Variants in PRKN observed in about 807,000 individuals in gnomAD.
PRKN encodes the protein E3 ubiquitin-protein ligase parkin.
In PRKN, 56 loss-of-function variants were observed where a neutral mutation model predicts 59.5. That is an observed-to-expected ratio of 0.94 (90% confidence interval 0.76 to 1.18). PRKN has a LOEUF of 1.18. Ranked by LOEUF, PRKN falls within the 50% of genes most tolerant of loss-of-function variation. The pLI is 0.00. For missense variants in PRKN, 657 were observed against 596.4 expected, an observed-to-expected ratio of 1.10 and a Z score of -1.06; for synonymous variants, 250 against 222.1, an observed-to-expected ratio of 1.13 and a Z score of -1.12.
At chr6:161,590,034 G>A (rs1202289609) in intron 7 of PRKN, among the ~76,000 whole-genome samples, 1 of 151,310 alleles carries the variant, frequency 6.6e-6, no homozygotes, top group Non-Finnish European at 1.5e-5. Flanking sequence ...GATGATCCAC[G>A]CACCTTGGCT....
chr6:162,399,022 G>T (rs1787627459), intron 2 of PRKN, among the ~76,000 whole-genome samples: 1 of 152,116 alleles, frequency 6.6e-6, no homozygotes, highest in Non-Finnish European at 1.5e-5. Flanking sequence ...TGAAAAATGG[G>T]ACTATGAAAA....
intron 2 of PRKN, among the ~76,000 whole-genome samples, chr6:162,304,509 A>ATCTG (rs1782126133): frequency 7.6e-6 from 1 of 131,646 alleles, no homozygotes; most frequent in East Asian, 2.9e-4. Flanking sequence ...CTATCTATCT[A>ATCTG]TCTATCTATC....
chr6:162,007,998 A>C (rs1034516830), intron 5 of PRKN, among the ~76,000 whole-genome samples: 7 of 152,196 alleles, frequency 4.6e-5, no homozygotes, highest in African/African-American at 1.7e-4. Context: ...CATTTATAAG[A>C]TACCACACAC....
intron 6 of PRKN, among the ~76,000 whole-genome samples, chr6:161,924,032 C>T (rs773477288): frequency 3.9e-5 from 6 of 152,146 alleles, no homozygotes; most frequent in Non-Finnish European, 7.3e-5. Context: ...CAGGCTCTGG[C>T]GCTTCGTAGT....
chr6:162,675,023 CTTTATTTTATTTA>C (rs1430719292), intron 1 of PRKN, among the ~76,000 whole-genome samples: 2 of 124,708 alleles, frequency 1.6e-5, no homozygotes, highest in African/African-American at 3.4e-5. Context: ...AGAAAGAAGA[CTTTATTTTATTTA>C]TTTATTTATT....
chr6:161,469,560 A>AGTT (rs1554264008), intron 9 of PRKN, among the ~76,000 whole-genome samples: 3 of 151,468 alleles, frequency 2.0e-5, no homozygotes, highest in Non-Finnish European at 4.4e-5. Context: ...AGAGAGAGAG[A>AGTT]GAGAGAGAGA....
intron 5 of PRKN, among the ~76,000 whole-genome samples, chr6:162,004,983 TATTA>T (rs1479651836): frequency 8.5e-5 from 13 of 152,220 alleles, no homozygotes; most frequent in African/African-American, 3.1e-4. Context: ...CATAGGAAAA[TATTA>T]ATTAATTGTC....
chr6:162,496,236 C>CG (rs1793059511), intron 1 of PRKN, among the ~76,000 whole-genome samples: 1 of 150,538 alleles, frequency 6.6e-6, no homozygotes, highest in East Asian at 1.9e-4. Context: ...GACTCAGTCT[C>CG]GGGGGAAAAA....
In PRKN at chr6:162,262,522, T is replaced by C; in HGVS notation, c.412+3A>G. 6.2e-7 allele frequency: 1 copy of C among 1,613,966 alleles called. No individual in the cohort carries two copies. On this transcript the variant is annotated splice_donor_region_variant and intron_variant, in intron 3 of 11. Transcript: ENST00000366898. ...TTTAATAATCTTAGAGCATTCCAAT[T>C]ACCTGGACTTCCAGCTGGTGGTGAG...
chr6:162,355,725 A>C (rs1160162301), intron 2 of PRKN, among the ~76,000 whole-genome samples: 1 of 151,746 alleles, frequency 6.6e-6, no homozygotes, highest in African/African-American at 2.4e-5. Context: ...AAAAAAAAAA[A>C]CATGGTCAAT....
chr6:161,839,016 G>A (rs961146939), intron 6 of PRKN, among the ~76,000 whole-genome samples: 1 of 152,080 alleles, frequency 6.6e-6, no homozygotes, highest in Non-Finnish European at 1.5e-5. Context: ...TGGGCGAGGT[G>A]GGGGGAGGAG....
rs905024646 is a variant in PRKN, at chr6:161,407,107, G to C, written c.1084-20230C>G. Among the ~76,000 whole-genome samples the C allele has an allele frequency of 4.6e-5, 7 of 152,104 alleles. No homozygotes were observed. Among genetic ancestry groups the C allele is most frequent in the African/African-American group, 9.7e-5 (4 of 41,408 alleles). ...ACATAAAAGCCTCTATAATGAGTATGCTATATTTGTCATTAAAATGTCTTT... is the reference window on the plus strand; with the variant it reads ...ACATAAAAGCCTCTATAATGAGTATCCTATATTTGTCATTAAAATGTCTTT... On this transcript the variant is annotated intron_variant, in intron 9 of 11. Coordinates refer to ENST00000366898, the MANE Select transcript of PRKN (RefSeq NM_004562.3). The surrounding 1 kb of genome is among the most constrained non-coding windows in gnomAD (Gnocchi z 4.9).
At chr6:162,065,152 T>C (rs1276111899) in intron 4 of PRKN, among the ~76,000 whole-genome samples, 2 of 152,138 alleles carry the variant, frequency 1.3e-5, no homozygotes, top group Non-Finnish European at 2.9e-5. Flanking sequence ...GTGTGCAGGC[T>C]GAGGAAGAAA....
At chr6:161,427,352 C>G (rs1210955650) in intron 9 of PRKN, among the ~76,000 whole-genome samples, 2 of 152,112 alleles carry the variant, frequency 1.3e-5, no homozygotes, top group East Asian at 1.9e-4. Flanking sequence ...CACAGCCACC[C>G]TAACTGGTAG....
chr6:161,392,447 C>T (rs997875653), intron 9 of PRKN, among the ~76,000 whole-genome samples: 1 of 151,682 alleles, frequency 6.6e-6, no homozygotes, highest in African/African-American at 2.4e-5. Flanking sequence ...TGCAAAAGAA[C>T]TGATGTAATG....
chr6:162,710,790 T>A (rs1314987240), intron 1 of PRKN, among the ~76,000 whole-genome samples: 1 of 152,138 alleles, frequency 6.6e-6, no homozygotes, highest in Non-Finnish European at 1.5e-5. Flanking sequence ...GCAGCTGTTA[T>A]CCTGCAACTA....
At chr6:161,636,438 A>G (rs989295044) in intron 7 of PRKN, among the ~76,000 whole-genome samples, 1 of 152,220 alleles carries the variant, frequency 6.6e-6, no homozygotes, top group East Asian at 1.9e-4. Flanking sequence ...CCTGTCTTTC[A>G]GGCTGCTGCT....
intron 4 of PRKN, among the ~76,000 whole-genome samples, chr6:162,131,253 C>A (rs1265419530): frequency 6.6e-6 from 1 of 152,090 alleles, no homozygotes; most frequent in African/African-American, 2.4e-5. Context: ...TAAACAGGAG[C>A]CTGAGGAACA....
intron 6 of PRKN, among the ~76,000 whole-genome samples, chr6:161,902,576 T>TTTTTTTTTTTG (rs1777973713): frequency 1.1e-5 from 1 of 89,702 alleles, no homozygotes; most frequent in African/African-American, 4.0e-5. Context: ...TTTTTTTTTT[T>TTTTTTTTTTTG]TGCGACAGAG....
Sources: gnomAD v4.1 joint callset for allele counts (sites outside exome capture counted in the v4.1 genomes callset) on GRCh38, gnomAD v4.1.1 for gene constraint, Gnocchi (gnomAD v3.1) non-coding constraint, MANE v1.5 for transcripts, NCBI Gene and HGNC (gene_info 2026-07-23, HGNC 2026-07-21) for gene names.